Variants in TRAPPC9 observed in about 807,000 individuals in gnomAD.
TRAPPC9 encodes IKK2 binding protein.
In TRAPPC9, 83 loss-of-function variants were observed where a neutral mutation model predicts 124.0. The observed-to-expected ratio is 0.67, with a 90% CI of 0.56 to 0.80. TRAPPC9 has a LOEUF of 0.80. Among genes scored for constraint, TRAPPC9 ranks in the 30% least tolerant of loss-of-function variants. The pLI is 0.00. For missense variants in TRAPPC9, 1,302 were observed against 1,508.3 expected (o/e 0.86, Z 2.27); for synonymous variants, 638 against 617.5 (o/e 1.03, Z -0.49).
intron 18 of TRAPPC9, among the ~76,000 whole-genome samples, chr8:140,014,383 C>A (rs993088032): frequency 3.3e-5 from 5 of 152,078 alleles, no homozygotes; most frequent in African/African-American, 1.2e-4. Context: ...GTAATTTGAT[C>A]TTTTAAATAA....
chr8:140,392,578 C>T (rs1040089222), intron 7 of TRAPPC9, among the ~76,000 whole-genome samples: 5 of 152,228 alleles, frequency 3.3e-5, no homozygotes, highest in African/African-American at 1.2e-4. Flanking sequence ...TTGCTGCCCG[C>T]TGAACGCTCA....
chr8:139,856,345 G>A (rs1827796941), intron 21 of TRAPPC9, among the ~76,000 whole-genome samples: 1 of 148,694 alleles, frequency 6.7e-6, no homozygotes, highest in Non-Finnish European at 1.5e-5. Context: ...CCTCTCCGGG[G>A]ATTTTTTCCT....
rs115287432 is a variant in TRAPPC9, at chr8:140,063,764, C to T, written c.2557-39685G>A. On this transcript the variant is annotated intron_variant, in intron 17 of 22. Coordinates refer to ENST00000438773, the MANE Select transcript of TRAPPC9 (RefSeq NM_001160372.4). The surrounding 1 kb of genome is among the most constrained non-coding windows in gnomAD (Gnocchi z 4.3). ...TTTCCTTAAGAGCGGGACTTGCGGGCGGGGTATGCATCAAATTTCTCCGAG... is the reference window on the plus strand; with the variant it reads ...TTTCCTTAAGAGCGGGACTTGCGGGTGGGGTATGCATCAAATTTCTCCGAG... Among the ~76,000 whole-genome samples, 96 of 152,174 alleles carry T rather than the reference C, an allele frequency of 6.3e-4. 1 individual carries two copies. Among genetic ancestry groups the T allele is most frequent in the Non-Finnish European group, 1.1e-3 (72 of 68,004 alleles).
intron 21 of TRAPPC9, among the ~76,000 whole-genome samples, chr8:139,864,980 CT>C (rs1828428710): frequency 6.6e-6 from 1 of 152,190 alleles, no homozygotes; most frequent in Non-Finnish European, 1.5e-5. Context: ...TCACGTGAAA[CT>C]TTGGAACTAA....
chr8:140,047,286 T>G (rs4633040), intron 17 of TRAPPC9, among the ~76,000 whole-genome samples: 111,183 of 152,222 alleles, frequency 0.73, 40,875 homozygotes, highest in Middle Eastern at 0.84. Context: ...GAAACACGCA[T>G]GCAGAAGCTC....
chr8:140,249,097 C>CA (rs1250050168), intron 16 of TRAPPC9, among the ~76,000 whole-genome samples: 2 of 152,082 alleles, frequency 1.3e-5, no homozygotes, highest in African/African-American at 4.8e-5. Flanking sequence ...CTGTGTGATG[C>CA]TGAGGTTTGG....
At chr8:139,935,669 C>CTTTTTTTTTTTTTT (rs377706417) in intron 19 of TRAPPC9, among the ~76,000 whole-genome samples, 1 of 132,570 alleles carries the variant, frequency 7.5e-6, no homozygotes. Flanking sequence ...TCAGTCTTTG[C>CTTTTTTTTTTTTTT]TTTTTTTTTT....
intron 17 of TRAPPC9, among the ~76,000 whole-genome samples, chr8:140,134,229 G>C (rs1322126085): frequency 6.6e-6 from 1 of 152,082 alleles, no homozygotes; most frequent in Non-Finnish European, 1.5e-5. Context: ...TGAGAGTCAA[G>C]AAATAAACTC....
chr8:139,838,480 G>A (rs1480726712), intron 21 of TRAPPC9, among the ~76,000 whole-genome samples: 4 of 152,232 alleles, frequency 2.6e-5, no homozygotes, highest in African/African-American at 9.6e-5. Flanking sequence ...TGAGCGGGGA[G>A]TGAGCCTGGG....
chr8:139,783,557 A>G (rs1360515860), intron 21 of TRAPPC9, among the ~76,000 whole-genome samples: 2 of 152,240 alleles, frequency 1.3e-5, no homozygotes, highest in African/African-American at 4.8e-5. Flanking sequence ...AAGAAACTTC[A>G]GGTCCCGATT....
At chr8:140,359,216 G>T (rs1016835529) in intron 9 of TRAPPC9, among the ~76,000 whole-genome samples, 2 of 152,058 alleles carry the variant, frequency 1.3e-5, no homozygotes. Context: ...TCCCTTCTAC[G>T]GGGCTGATCC....
At chr8:140,045,727 C>G (rs1359072332) in intron 17 of TRAPPC9, among the ~76,000 whole-genome samples, 1 of 150,374 alleles carries the variant, frequency 6.7e-6, no homozygotes, top group East Asian at 2.0e-4. Flanking sequence ...GGTGGCTGCT[C>G]AGGTCTTCTG....
intron 17 of TRAPPC9, among the ~76,000 whole-genome samples, chr8:140,206,067 T>C (rs1229154684): frequency 2.0e-5 from 3 of 152,182 alleles, no homozygotes; most frequent in Non-Finnish European, 2.9e-5. Context: ...CCAGGTAAGG[T>C]TTATCCCCAG....
At chr8:140,371,841 T>C (rs1026776890) in intron 7 of TRAPPC9, among the ~76,000 whole-genome samples, 1 of 152,140 alleles carries the variant, frequency 6.6e-6, no homozygotes, top group African/African-American at 2.4e-5. Context: ...GTAGCTGAGA[T>C]TACAAGCACC....
chr8:140,364,649 C>T (rs1239907579), intron 8 of TRAPPC9, among the ~76,000 whole-genome samples: 1 of 152,058 alleles, frequency 6.6e-6, no homozygotes, highest in East Asian at 1.9e-4. Context: ...GGTGCATTCT[C>T]GGCTCACTGC....
rs534224798 is a variant in TRAPPC9 at position 140,389,291 on chromosome 8, T to C, written c.1134+8329A>G. Among the ~76,000 whole-genome samples, 6 of 152,278 alleles carry C rather than the reference T, an allele frequency of 3.9e-5. No individual in the cohort carries two copies. In the East Asian group the frequency reaches 5.8e-4, roughly 15 times the overall value. On this transcript the variant is annotated intron_variant, in intron 7 of 22. Transcript: ENST00000438773. ...TAGGTAAAGGGCATATAAGTGTTCA[T>C]TGAACTACTCCTGCAGCTTTTCTGA...
At chr8:140,289,199 G>A (rs2065581172) in intron 12 of TRAPPC9, among the ~76,000 whole-genome samples, 1 of 151,496 alleles carries the variant, frequency 6.6e-6, no homozygotes, top group Admixed American at 6.6e-5. Flanking sequence ...GTGTGTGTGT[G>A]TGTGTGTGTG....
chr8:140,150,375 G>C (rs2061525674), intron 17 of TRAPPC9, among the ~76,000 whole-genome samples: 1 of 152,150 alleles, frequency 6.6e-6, no homozygotes, highest in African/African-American at 2.4e-5. Flanking sequence ...CTTGAACCCA[G>C]GAGGTAGAGG....
chr8:139,798,986 T>C (rs1823283600), intron 21 of TRAPPC9, among the ~76,000 whole-genome samples: 1 of 152,142 alleles, frequency 6.6e-6, no homozygotes, highest in Non-Finnish European at 1.5e-5. Context: ...ATCACTCCAA[T>C]CGTGGCCTCC....
Sources: allele counts gnomAD v4.1 joint callset (sites outside exome capture counted in the v4.1 genomes callset), GRCh38; gene constraint gnomAD v4.1.1; non-coding constraint Gnocchi (gnomAD v3.1); transcripts MANE v1.5; gene names NCBI Gene and HGNC (gene_info 2026-07-23, HGNC 2026-07-21).